The following SRRM4 variants were observed in gnomAD, a reference collection of about 807,000 sequenced individuals.
SRRM4 encodes serine/arginine repetitive matrix 4, also known as serine/arginine repetitive matrix protein 4.
SRRM4 carries 33 observed loss-of-function variants against 68.9 expected under a neutral mutation model. The ratio of observed to expected loss-of-function variants is 0.48; its 90% CI spans 0.36 to 0.64. The LOEUF is 0.64. Ranked by LOEUF, SRRM4 falls within the 30% of genes least tolerant of loss-of-function variation. The pLI is 0.00. For missense variants in SRRM4, 817 were observed against 827.1 expected (o/e 0.99, Z 0.15); for synonymous variants, 318 against 318.8 (o/e 1.00, Z 0.03).
At chr12:119,040,890 C>T (rs1054782641) in intron 1 of SRRM4, among the ~76,000 whole-genome samples, 22 of 151,968 alleles carry the variant, frequency 1.4e-4, no homozygotes, top group African/African-American at 4.8e-4. Flanking sequence ...GCTGGGATTA[C>T]AGGCAAGTGC....
intron 9 of SRRM4, among the ~76,000 whole-genome samples, chr12:119,146,384 C>T (rs902378991): frequency 6.6e-6 from 1 of 150,608 alleles, no homozygotes; most frequent in Admixed American, 6.6e-5. Flanking sequence ...GTCAGGAGTT[C>T]GAGACCGGCG....
In SRRM4 at chr12:119,154,402, G is replaced by A. The variant is rs1037560684; in HGVS notation, c.1532+19G>A. 3 of 1,610,706 alleles carry A rather than the reference G, an allele frequency of 1.9e-6. No individual in the cohort carries two copies. The highest frequency in any genetic ancestry group is 1.7e-6 in the Non-Finnish European group (2 of 1,178,680). On this transcript the variant is annotated intron_variant, in intron 12 of 12. Coordinates refer to ENST00000267260, the MANE Select transcript of SRRM4 (RefSeq NM_194286.4). This position sits in a 1 kb window ranked among gnomAD's most constrained non-coding sequence, Gnocchi z 4.7. ...TAACCAGGTGAGGCCAGGGGGCAAG[G>A]GGGACCCACCTTCATCCTCGTTCCC...
intron 1 of SRRM4, among the ~76,000 whole-genome samples, chr12:119,066,066 T>G (rs1333635466): frequency 6.6e-6 from 1 of 152,206 alleles, no homozygotes; most frequent in Non-Finnish European, 1.5e-5. Flanking sequence ...TTTTTATTAT[T>G]ATTCACCAAT....
intron 1 of SRRM4, among the ~76,000 whole-genome samples, chr12:118,988,008 A>G (rs974135462): frequency 6.6e-6 from 1 of 152,238 alleles, no homozygotes; most frequent in African/African-American, 2.4e-5. Context: ...CATCATCTTA[A>G]ACATTTATAA....
intron 2 of SRRM4, 25 bp downstream of exon 2, chr12:119,102,407 G>A (rs377246079): frequency 3.6e-5 from 57 of 1,583,164 alleles, no homozygotes; most frequent in Non-Finnish European, 4.1e-5. Context: ...GGACGTTCAA[G>A]TTGAAGATAC....
chr12:119,103,945 G>A (rs1171552439), intron 2 of SRRM4, among the ~76,000 whole-genome samples: 1 of 152,208 alleles, frequency 6.6e-6, no homozygotes, highest in Non-Finnish European at 1.5e-5. Flanking sequence ...GGAGGTTGCA[G>A]TGAGCCGAGA....
At chr12:119,043,482 C>G (rs1295096261) in intron 1 of SRRM4, among the ~76,000 whole-genome samples, 1 of 152,118 alleles carries the variant, frequency 6.6e-6, no homozygotes, top group Non-Finnish European at 1.5e-5. Context: ...AGCAAACCAC[C>G]ATGGCACACA....
intron 1 of SRRM4, among the ~76,000 whole-genome samples, chr12:119,092,784 A>T (rs927432886): frequency 2.0e-5 from 3 of 151,972 alleles, no homozygotes; most frequent in Admixed American, 6.6e-5. Context: ...GTCAGAACAT[A>T]TCTATCCAAT....
chr12:119,127,338 C>T (rs1954268341), intron 7 of SRRM4, among the ~76,000 whole-genome samples: 1 of 152,268 alleles, frequency 6.6e-6, no homozygotes, highest in South Asian at 2.1e-4. Context: ...TGAAATGCAT[C>T]TCACACTTGA....
intron 2 of SRRM4, 149 bp downstream of exon 2, chr12:119,102,531 A>G (rs1042337935): frequency 5.9e-6 from 4 of 678,086 alleles, no homozygotes; most frequent in Non-Finnish European, 9.5e-6. Context: ...CAAATCAGAA[A>G]TATTTTAAGT....
chr12:118,991,945 A>C (rs1050188598), intron 1 of SRRM4: 2 of 152,196 alleles, frequency 1.3e-5, no homozygotes, highest in Non-Finnish European at 1.5e-5. Context: ...CTTAGGGATC[A>C]CCCGATCTCA....
intron 1 of SRRM4, among the ~76,000 whole-genome samples, chr12:119,090,265 T>C (rs1011656622): frequency 2.0e-4 from 30 of 152,264 alleles, no homozygotes; most frequent in African/African-American, 7.2e-4. Context: ...AAACATGGTG[T>C]GGGTCTATGT....
intron 8 of SRRM4, among the ~76,000 whole-genome samples, chr12:119,134,891 C>T (rs953914689): frequency 1.3e-5 from 2 of 152,130 alleles, no homozygotes; most frequent in African/African-American, 2.4e-5. Context: ...TTGAAGGATG[C>T]ATAGGAGTTC....
At chr12:119,097,825 G>A (rs890547029) in intron 1 of SRRM4, among the ~76,000 whole-genome samples, 1 of 152,098 alleles carries the variant, frequency 6.6e-6, no homozygotes, top group African/African-American at 2.4e-5. Context: ...GATAACTCAC[G>A]CCTCTACTCT....
chr12:119,072,296 G>A (rs904579365), intron 1 of SRRM4, among the ~76,000 whole-genome samples: 1 of 152,126 alleles, frequency 6.6e-6, no homozygotes, highest in Admixed American at 6.5e-5. Flanking sequence ...AGGGGAAGGG[G>A]GTGTGGCAGC....
chr12:119,123,286 G>A lies in SRRM4; in HGVS notation c.515+1166G>A, dbSNP rs549837492. ...GGGAATGCTCCAGAAGAAAGCAGTA[G>A]AGCCTTGAGTTAGCTGAGGGAAGAA... On this transcript the variant is annotated intron_variant, in intron 6 of 12. Coordinates refer to ENST00000267260, the MANE Select transcript of SRRM4 (RefSeq NM_194286.4). 4.1e-4 allele frequency among the ~76,000 whole-genome samples: 62 copies of A among 152,348 alleles called. No homozygotes were observed. In the South Asian group the frequency reaches 7.7e-3, roughly 19 times the overall value.
At position 119,156,582 on chromosome 12, in the gene SRRM4, C is replaced by CAGT; in HGVS notation, c.1623_1625dup (p.Ser542dup). On this transcript the variant is annotated inframe_insertion, in exon 13 of 13. Coordinates refer to ENST00000267260, the MANE Select transcript of SRRM4 (RefSeq NM_194286.4). ...GCACCTCCTCCTGGTACAGCAGCAGCAGTAGCCGCTCGGCCAGCCGCAGCT... is the reference window on the plus strand; with the variant it reads ...GCACCTCCTCCTGGTACAGCAGCAGCAGTAGTAGCCGCTCGGCCAGCCGCAGCT... The CAGT allele has an allele frequency of 6.2e-7, 1 of 1,610,262 alleles. No homozygotes were observed. Among genetic ancestry groups the CAGT allele is most frequent in the Non-Finnish European group, 8.5e-7 (1 of 1,179,622 alleles).
chr12:119,078,930 A>G (rs907298667), intron 1 of SRRM4, among the ~76,000 whole-genome samples: 1 of 152,166 alleles, frequency 6.6e-6, no homozygotes, highest in Non-Finnish European at 1.5e-5. Context: ...ACTTGTATCA[A>G]AAAAATAAAA....
chr12:119,088,419 T>C (rs1423302115), intron 1 of SRRM4, among the ~76,000 whole-genome samples: 1 of 152,212 alleles, frequency 6.6e-6, no homozygotes, highest in Non-Finnish European at 1.5e-5. Context: ...TTATTTCTTA[T>C]ATTGAAGTTA....
Sources: allele counts gnomAD v4.1 joint callset (sites outside exome capture counted in the v4.1 genomes callset), GRCh38; gene constraint gnomAD v4.1.1; non-coding constraint Gnocchi (gnomAD v3.1); transcripts MANE v1.5; gene names NCBI Gene and HGNC (gene_info 2026-07-23, HGNC 2026-07-21).